MAK: variants seen among roughly 807,000 people sequenced by gnomAD.
MAK encodes the protein male germ cell associated kinase.
Under a neutral mutation model 82.6 loss-of-function variants are expected in MAK, and 65 were observed. The observed-to-expected ratio is 0.79, with a 90% CI of 0.64 to 0.97. MAK has a LOEUF of 0.97. Ranked by LOEUF, MAK falls within the 50% of genes least tolerant of loss-of-function variation. MAK has a pLI of 0.00. For synonymous variants in MAK, 250 were observed against 274.2 expected (o/e 0.91, Z 0.87); for missense variants, 703 against 780.2 (o/e 0.90, Z 1.18).
In MAK at chr6:10,803,730, G is replaced by A. The variant is rs1156495365; in HGVS notation, c.653C>T (p.Thr218Ile). The change falls in exon 7 of 15, where the codon ACT becomes ATT. Residue 218 changes from threonine to isoleucine, a missense_variant. Physicochemically the swap from Thr to Ile is moderately conservative, Grantham distance 89. Coordinates refer to ENST00000354489, the MANE Select transcript of MAK (RefSeq NM_001242957.3). Reference sequence around the variant, plus strand: ...GACAAGAGTACTTACTTTTTTGGGAGTCCCTAAAACTTGGCAAATTTTAAA... The same window carrying A: ...GACAAGAGTACTTACTTTTTTGGGAATCCCTAAAACTTGGCAAATTTTAAA... Reference protein sequence around the residue: ...EIFKICQVLGTPKKSDWPEGY... With the variant: ...EIFKICQVLGIPKKSDWPEGY... 17 of 1,613,430 alleles carry A rather than the reference G, an allele frequency of 1.1e-5. No individual in the cohort carries two copies. Among genetic ancestry groups the A allele is most frequent in the Non-Finnish European group, 1.4e-5 (16 of 1,179,740 alleles).
At chr6:10,808,778 T>C (rs779357862) in intron 6 of MAK, 32 bp downstream of exon 6, 11 of 1,609,828 alleles carry the variant, frequency 6.8e-6, no homozygotes, top group Non-Finnish European at 9.4e-6. Context: ...CATAGGCTTA[T>C]GCCTCAGGAG....
intron 10 of MAK, among the ~76,000 whole-genome samples, chr6:10,789,427 C>T (rs1423490883): frequency 2.0e-5 from 3 of 152,114 alleles, no homozygotes; most frequent in Non-Finnish European, 4.4e-5. Context: ...AATACAGTAG[C>T]CCCCATTACG....
intron 7 of MAK, among the ~76,000 whole-genome samples, chr6:10,802,722 T>C (rs522793): frequency 0.83 from 126,252 of 152,194 alleles, 52,277 homozygotes; most frequent in South Asian, 0.86. Context: ...AGGCTGACTG[T>C]GAACAAAGAT....
intron 12 of MAK, among the ~76,000 whole-genome samples, chr6:10,774,232 A>C (rs1773274538): frequency 8.2e-6 from 1 of 121,244 alleles, no homozygotes; most frequent in African/African-American, 3.4e-5. Context: ...AACCATAAGG[A>C]TATTAACATA....
At chr6:10,787,936 A>C (rs934147373) in intron 10 of MAK, among the ~76,000 whole-genome samples, 1 of 152,164 alleles carries the variant, frequency 6.6e-6, no homozygotes, top group Non-Finnish European at 1.5e-5. Flanking sequence ...GAATTTCAAG[A>C]GAAAAGGGAT....
chr6:10,764,831 G>T (rs1397158810), intron 14 of MAK, among the ~76,000 whole-genome samples: 3 of 152,106 alleles, frequency 2.0e-5, no homozygotes, highest in Non-Finnish European at 4.4e-5. Context: ...AGTGGCTCCT[G>T]CCTGTAGTCC....
intron 2 of MAK, among the ~76,000 whole-genome samples, chr6:10,820,811 G>A (rs1427564057): frequency 6.6e-6 from 1 of 152,152 alleles, no homozygotes; most frequent in South Asian, 2.1e-4. Context: ...TTGCTAAAAT[G>A]TAAAATGTAA....
chr6:10,791,063 A>G (rs890897904), intron 10 of MAK, among the ~76,000 whole-genome samples: 6 of 152,130 alleles, frequency 3.9e-5, no homozygotes, highest in Non-Finnish European at 7.4e-5. Context: ...TGCTTCCTGT[A>G]CAACCTGCAG....
intron 2 of MAK, among the ~76,000 whole-genome samples, chr6:10,819,837 G>A (rs1777787404): frequency 6.6e-6 from 1 of 152,136 alleles, no homozygotes; most frequent in Admixed American, 6.5e-5. Context: ...TCATGGCCGG[G>A]CGCGGTGGCT....
At chr6:10,808,742 A>G in intron 6 of MAK, 68 bp downstream of exon 6, 1 of 1,453,450 alleles carries the variant, frequency 6.9e-7, no homozygotes, top group South Asian at 1.1e-5. Context: ...AGAAATATGT[A>G]ACAATCCATC....
At chr6:10,768,152 ATAAT>A (rs553442744) in intron 14 of MAK, among the ~76,000 whole-genome samples, 74 of 152,374 alleles carry the variant, frequency 4.9e-4, no homozygotes, top group Non-Finnish European at 8.2e-4. Context: ...ATTGGATAGA[ATAAT>A]TAATATATAA....
intron 14 of MAK, among the ~76,000 whole-genome samples, chr6:10,769,786 C>A (rs1772825034): frequency 6.6e-6 from 1 of 152,166 alleles, no homozygotes; most frequent in Non-Finnish European, 1.5e-5. Flanking sequence ...GTTACTTCAC[C>A]TACATTTCAT....
At chr6:10,765,490 G>A (rs941227550) in intron 14 of MAK, among the ~76,000 whole-genome samples, 3 of 139,180 alleles carry the variant, frequency 2.2e-5, no homozygotes, top group Admixed American at 7.7e-5. Flanking sequence ...GCAGAGTTTC[G>A]CCCTTGTTGC....
chr6:10,801,956 T>C lies in MAK; in HGVS notation c.767A>G (p.Glu256Gly), dbSNP rs754864509. The C allele has an allele frequency of 6.2e-7, 1 of 1,614,170 alleles. No homozygotes were observed. Among genetic ancestry groups the C allele is most frequent in the Non-Finnish European group, 8.5e-7 (1 of 1,180,020 alleles). ...CATTTCGGTCATGAGCTGAATAGCT[T>C]CATTACTGGCATTGGGAATAAGAGT... ...LKTLIPNASNEAIQLMTEMLN... is the reference protein window; with the variant it reads ...LKTLIPNASNGAIQLMTEMLN... Residue 256 changes from glutamate to glycine, a missense_variant, in exon 8 of 15, where the codon GAA becomes GGA. By Grantham distance (98) the Glu-to-Gly change is moderately conservative. Coordinates refer to ENST00000354489, the MANE Select transcript of MAK (RefSeq NM_001242957.3).
chr6:10,827,741 G>A (rs542748669), intron 2 of MAK: 5 of 152,260 alleles, frequency 3.3e-5, no homozygotes, highest in Non-Finnish European at 7.3e-5. Flanking sequence ...AGTAGTGGTG[G>A]CACTATCTTG....
rs911869879 is a variant in MAK at position 10,763,903 on chromosome 6, T to C, written c.*549A>G. 3 of 150,790 alleles carry C rather than the reference T, an allele frequency of 2.0e-5. No homozygotes were observed. Among genetic ancestry groups the C allele is most frequent in the African/African-American group, 7.3e-5 (3 of 40,984 alleles). 9.3% of individuals were successfully genotyped at this position (150,790 alleles called of 1,614,324 possible). ...AAGATTGAAATTACCATCGCTCCCA[T>C]AGCTTCAAAGTAGAAAAACAAATAA... is the stretch of plus-strand genomic sequence containing the variant. On this transcript the variant is annotated 3_prime_UTR_variant, in exon 15 of 15. Transcript: ENST00000354489.
chr6:10,773,100 T>C lies in MAK; in HGVS notation c.1606A>G (p.Ile536Val). 6 of 1,503,654 alleles carry C rather than the reference T, an allele frequency of 4.0e-6. No homozygotes were observed. The highest frequency in any genetic ancestry group is 5.4e-6 in the Non-Finnish European group (6 of 1,119,738). 93.1% of individuals were successfully genotyped at this position (1,503,654 alleles called of 1,614,324 possible). A position where few individuals can be genotyped will look rare whatever the true frequency, so the allele number is the denominator to read the frequency against. The stretch of plus-strand genomic sequence containing the variant: ...GATAGTTTTTCGATTGGTTTAATTA[T>C]GCTTTCTTCTAAAGAGAAGACAGAT... ...AFKRSNAEES[I>V]IKPIEKLSCN... Residue 536 changes from isoleucine to valine, a missense_variant, in exon 13 of 15, where the codon ATA becomes GTA. Coordinates refer to ENST00000354489, the MANE Select transcript of MAK (RefSeq NM_001242957.3).
rs1451218854 is a variant in MAK, at chr6:10,796,316, A to T, written c.832-7T>A. The T allele has an allele frequency of 1.9e-6, 3 of 1,607,514 alleles. No individual in the cohort carries two copies. The highest frequency in any genetic ancestry group is 2.5e-6 in the Non-Finnish European group (3 of 1,176,536). Reference sequence around the variant, plus strand: ...AATATGGGTGTTTCAATGCCTATAAAAACACAGAGAAAACAACAAATGGAA... The same window carrying T: ...AATATGGGTGTTTCAATGCCTATAATAACACAGAGAAAACAACAAATGGAA... On this transcript the variant is annotated splice_polypyrimidine_tract_variant and splice_region_variant and intron_variant, in intron 8 of 14. Coordinates refer to ENST00000354489, the MANE Select transcript of MAK (RefSeq NM_001242957.3).
At chr6:10,798,337 G>A (rs1049815773) in intron 8 of MAK, among the ~76,000 whole-genome samples, 2 of 151,842 alleles carry the variant, frequency 1.3e-5, no homozygotes, top group African/African-American at 4.8e-5. Context: ...CCGGTCTCAA[G>A]CTCCTGACCT....
Sources: gnomAD v4.1 joint callset for allele counts (sites outside exome capture counted in the v4.1 genomes callset) on GRCh38, gnomAD v4.1.1 for gene constraint, MANE v1.5 for transcripts, NCBI Gene and HGNC (gene_info 2026-07-23, HGNC 2026-07-21) for gene names.